The following KCNG3 variants were observed in gnomAD, a reference collection of about 807,000 sequenced individuals.
KCNG3 encodes the protein potassium voltage-gated channel modifier subfamily G member 3, also known as voltage-gated potassium channel regulatory subunit KCNG3.
KCNG3 carries 15 observed loss-of-function variants against 29.0 expected under a neutral mutation model. The ratio of observed to expected loss-of-function variants is 0.52; its 90% CI spans 0.35 to 0.80. The LOEUF is 0.80. Among genes scored for constraint, KCNG3 ranks in the 30% least tolerant of loss-of-function variants. The pLI is 0.01. For missense variants in KCNG3, 512 were observed against 605.7 expected (o/e 0.85, Z 1.62); for synonymous variants, 322 against 248.9 (o/e 1.29, Z -2.76).
At chr2:42,406,582 T>G in the KCNG3 span, among the ~76,000 whole-genome samples, 1 of 150,274 alleles carries the variant, frequency 6.7e-6, no homozygotes, top group Non-Finnish European at 1.5e-5. Context: ...ATCCCAGCAC[T>G]TTGGGAGGCT....
chr2:42,397,342 G>A, the KCNG3 span, among the ~76,000 whole-genome samples: 1 of 152,098 alleles, frequency 6.6e-6, no homozygotes, highest in Admixed American at 6.6e-5. Context: ...GCAAGGTATA[G>A]TATATGTTAC....
the KCNG3 span, among the ~76,000 whole-genome samples, chr2:42,396,859 G>C: frequency 6.6e-6 from 1 of 152,194 alleles, no homozygotes; most frequent in South Asian, 2.1e-4. Flanking sequence ...CACTCGTTGG[G>C]GCATGATTTG....
the KCNG3 span, among the ~76,000 whole-genome samples, chr2:42,413,249 C>G: frequency 6.6e-6 from 1 of 152,202 alleles, no homozygotes; most frequent in Non-Finnish European, 1.5e-5. Context: ...AAGCAATCCT[C>G]CCTCCTCAGC....
chr2:42,452,243 ATT>A (rs771771721), intron 1 of KCNG3, among the ~76,000 whole-genome samples: 4,720 of 94,920 alleles, frequency 0.05, 225 homozygotes, highest in African/African-American at 0.13. Flanking sequence ...ATATATATAT[ATT>A]TTTTTTTTTT....
chr2:42,485,321 A>C (rs1470765832), intron 1 of KCNG3, among the ~76,000 whole-genome samples: 1 of 152,208 alleles, frequency 6.6e-6, no homozygotes, highest in East Asian at 1.9e-4. Flanking sequence ...TCAAACAAGA[A>C]CACTTAAGCT....
At chr2:42,465,520 A>G (rs933963987) in intron 1 of KCNG3, among the ~76,000 whole-genome samples, 1 of 152,134 alleles carries the variant, frequency 6.6e-6, no homozygotes, top group African/African-American at 2.4e-5. Context: ...CTCAGCCTAT[A>G]AAGATTTTAG....
At chr2:42,481,238 G>A (rs902032667) in intron 1 of KCNG3, among the ~76,000 whole-genome samples, 6 of 152,136 alleles carry the variant, frequency 3.9e-5, no homozygotes, top group Non-Finnish European at 8.8e-5. Context: ...ATACCATGAG[G>A]CCAGAGGCTC....
chr2:42,427,492 G>C, the KCNG3 span, among the ~76,000 whole-genome samples: 22 of 152,186 alleles, frequency 1.4e-4, no homozygotes, highest in African/African-American at 5.1e-4. Flanking sequence ...TGTAGTCCCA[G>C]CTACTTGGGA....
At chr2:42,408,398 C>T in the KCNG3 span, among the ~76,000 whole-genome samples, 3 of 152,174 alleles carry the variant, frequency 2.0e-5, no homozygotes, top group African/African-American at 7.2e-5. Flanking sequence ...ACTTCCTCCC[C>T]TCAGAGGCCC....
the KCNG3 span, among the ~76,000 whole-genome samples, chr2:42,396,882 A>C: frequency 2.6e-4 from 40 of 152,330 alleles, no homozygotes; most frequent in Non-Finnish European, 4.7e-4. Context: ...ATAGTAAAAA[A>C]AATTAAAAGA....
chr2:42,444,737 G>A lies in KCNG3; in HGVS notation c.666-158C>T, dbSNP rs1672557628. On this transcript the variant is annotated intron_variant, in intron 1 of 1. Transcript: ENST00000306078. This position sits in a 1 kb window ranked among gnomAD's most constrained non-coding sequence, Gnocchi z 5.8. ...ATTAGCAACATCATCAGACCACCAG[G>A]ATGCACGCAACAGAACAACAAATCA... Among the ~76,000 whole-genome samples, 1 of 152,064 alleles carries A rather than the reference G, an allele frequency of 6.6e-6. No homozygotes were observed. The highest frequency in any genetic ancestry group is 1.5e-5 in the Non-Finnish European group (1 of 68,004).
chr2:42,468,782 GTC>G (rs1350976033), intron 1 of KCNG3, among the ~76,000 whole-genome samples: 1 of 150,772 alleles, frequency 6.6e-6, no homozygotes, highest in African/African-American at 2.4e-5. Context: ...GTGAAACCCC[GTC>G]TCTACTAAAA....
At chr2:42,452,243 A>ATATATATTTT in intron 1 of KCNG3, among the ~76,000 whole-genome samples, 2 of 95,048 alleles carry the variant, frequency 2.1e-5, no homozygotes, top group African/African-American at 7.9e-5. Flanking sequence ...ATATATATAT[A>ATATATATTTT]TTTTTTTTTT....
intron 1 of KCNG3, among the ~76,000 whole-genome samples, chr2:42,479,317 C>T (rs1445417441): frequency 1.3e-5 from 2 of 152,070 alleles, no homozygotes; most frequent in Admixed American, 6.6e-5. Flanking sequence ...CTGGTATTTT[C>T]CAAGGTGGAG....
intron 1 of KCNG3, among the ~76,000 whole-genome samples, chr2:42,451,925 A>G (rs879847597): frequency 6.6e-6 from 1 of 151,850 alleles, no homozygotes; most frequent in Non-Finnish European, 1.5e-5. Context: ...AACAACAACA[A>G]CAACAAAGAT....
At chr2:42,403,842 C>A in the KCNG3 span, among the ~76,000 whole-genome samples, 3 of 152,082 alleles carry the variant, frequency 2.0e-5, no homozygotes, top group African/African-American at 7.2e-5. Flanking sequence ...CTCAAGTGAT[C>A]CCCCCATCTA....
chr2:42,455,225 C>T (rs997203810), intron 1 of KCNG3, among the ~76,000 whole-genome samples: 1 of 152,096 alleles, frequency 6.6e-6, no homozygotes, highest in African/African-American at 2.4e-5. Flanking sequence ...CCTGGCCTCC[C>T]AAAGTACTAG....
At chr2:42,400,101 C>A in the KCNG3 span, among the ~76,000 whole-genome samples, 8 of 152,162 alleles carry the variant, frequency 5.3e-5, no homozygotes, top group African/African-American at 1.9e-4. Flanking sequence ...AGAACGGGAC[C>A]CTGTCTCAAA....
At chr2:42,395,276 T>A in the KCNG3 span, among the ~76,000 whole-genome samples, 3 of 151,914 alleles carry the variant, frequency 2.0e-5, no homozygotes, top group Non-Finnish European at 2.9e-5. Flanking sequence ...TCCAAGAAAG[T>A]TGAGTGATAA....
Sources: gnomAD v4.1 joint callset for allele counts (sites outside exome capture counted in the v4.1 genomes callset) on GRCh38, gnomAD v4.1.1 for gene constraint, Gnocchi (gnomAD v3.1) non-coding constraint, MANE v1.5 for transcripts, NCBI Gene and HGNC (gene_info 2026-07-23, HGNC 2026-07-21) for gene names.